IRAG1: variants seen among roughly 807,000 people sequenced by gnomAD.
IRAG1 encodes IP3R-associated cGMP kinase substrate.
In IRAG1, 62 loss-of-function variants were observed where a neutral mutation model predicts 106.2. The ratio of observed to expected loss-of-function variants is 0.58; its 90% CI spans 0.48 to 0.72. IRAG1 has a LOEUF of 0.72. Ranked by LOEUF, IRAG1 falls within the 30% of genes least tolerant of loss-of-function variation. The pLI is 0.00. For synonymous variants in IRAG1, 462 were observed against 443.9 expected (o/e 1.04, Z -0.51); for missense variants, 1,064 against 1,140.7 (o/e 0.93, Z 0.97).
intron 14 of IRAG1, among the ~76,000 whole-genome samples, chr11:10,602,847 T>G (rs1226290583): frequency 1.3e-5 from 2 of 152,146 alleles, no homozygotes; most frequent in Non-Finnish European, 2.9e-5. Flanking sequence ...AAAGCCTTGA[T>G]TAGGCCAATG....
chr11:10,643,325 G>A (rs1256860501), intron 2 of IRAG1, among the ~76,000 whole-genome samples: 2 of 152,178 alleles, frequency 1.3e-5, no homozygotes, highest in Non-Finnish European at 2.9e-5. Flanking sequence ...AGCATAGAGG[G>A]CCAGTTCCCT....
rs1854178516 is a variant in IRAG1, at chr11:10,603,189, G to A, written c.1806C>T (p.Asp602=). The A allele has an allele frequency of 1.9e-6, 3 of 1,612,650 alleles. No homozygotes were observed. The highest frequency in any genetic ancestry group is 1.7e-5 in the Admixed American group (1 of 59,910). The change falls in exon 14 of 21, where the codon GAC becomes GAT. Residue 602 remains aspartate (D), a synonymous_variant. Transcript: ENST00000423302. The stretch of plus-strand genomic sequence containing the variant: ...CAGCCAGGCGGTGCAGGACAGCGAT[G>A]TCCTCCAGCAACTTCTGGTAGGTTT... ...HRETYQKLLE[D]IAVLHRLAAR...
At chr11:10,639,964 C>T (rs1022129683) in intron 2 of IRAG1, among the ~76,000 whole-genome samples, 1 of 152,098 alleles carries the variant, frequency 6.6e-6, no homozygotes, top group African/African-American at 2.4e-5. Flanking sequence ...CCTATTGTGG[C>T]CAGGGTCTAT....
rs371801567 is a variant in IRAG1 at position 10,626,278 on chromosome 11, C to T, written c.1056G>A (p.Ala352=). 4.3e-5 allele frequency: 70 copies of T among 1,611,764 alleles called. No homozygotes were observed. In the African/African-American group the frequency reaches 4.9e-4, roughly 11 times the overall value. ...SPLPRSPTQD[A]AGVGPPASQG... is the part of the protein sequence containing the mutation. ...GGGAGGCTGGGGGACCCACTCCTGCCGCATCCTGGGTTGGACTTCTCGGCA... is the reference window on the plus strand; with the variant it reads ...GGGAGGCTGGGGGACCCACTCCTGCTGCATCCTGGGTTGGACTTCTCGGCA... The change falls in exon 9 of 21, where the codon GCG becomes GCA. Residue 352 remains alanine, a synonymous_variant. Coordinates refer to ENST00000423302, the MANE Select transcript of IRAG1 (RefSeq NM_130385.4).
intron 2 of IRAG1, among the ~76,000 whole-genome samples, chr11:10,639,016 G>A (rs368936769): frequency 6.6e-6 from 1 of 152,098 alleles, no homozygotes; most frequent in East Asian, 1.9e-4. Context: ...CCGCCTCCCG[G>A]TCAAGCAATT....
At position 10,574,073 on chromosome 11, in the gene IRAG1, TA is replaced by T. The variant is rs1267357862; in HGVS notation, c.*2258del. 1 of 152,548 alleles carries T rather than the reference TA, an allele frequency of 6.6e-6. No homozygotes were observed. The highest frequency in any genetic ancestry group is 1.5e-5 in the Non-Finnish European group (1 of 68,342). 9.4% of individuals were successfully genotyped at this position (152,548 alleles called of 1,614,324 possible). The stretch of plus-strand genomic sequence containing the variant: ...CTACTGTAAAGGATGCCCCCTTCAA[TA>T]AACATGCTATTTTAAAGTGGGGCAT... On this transcript the variant is annotated 3_prime_UTR_variant, in exon 21 of 21. Coordinates refer to ENST00000423302, the MANE Select transcript of IRAG1 (RefSeq NM_130385.4).
In IRAG1 at chr11:10,593,488, T is replaced by C. The variant is rs1183424053; in HGVS notation, c.2175+4A>G. On this transcript the variant is annotated splice_donor_region_variant and intron_variant, in intron 17 of 20. Coordinates refer to ENST00000423302, the MANE Select transcript of IRAG1 (RefSeq NM_130385.4). ...TGCTGGGAGGCAGACATCGTCATAC[T>C]TACCAAGGCTGGTAAGGAGGGAATG... 6.2e-7 allele frequency: 1 copy of C among 1,611,644 alleles called. No homozygotes were observed. Among genetic ancestry groups the C allele is most frequent in the Non-Finnish European group, 8.5e-7 (1 of 1,177,960 alleles).
At chr11:10,689,132 AAT>A (rs1431089983) in intron 1 of IRAG1, among the ~76,000 whole-genome samples, 1 of 152,230 alleles carries the variant, frequency 6.6e-6, no homozygotes, top group Non-Finnish European at 1.5e-5. Context: ...ACTTACCACA[AAT>A]AGAGTTATAA....
intron 10 of IRAG1, 27 bp downstream of exon 10, chr11:10,623,751 G>C: frequency 1.2e-6 from 2 of 1,608,522 alleles, no homozygotes; most frequent in Non-Finnish European, 1.7e-6. Flanking sequence ...CACTCGCTGA[G>C]ACAGCATCTG....
intron 8 of IRAG1, 50 bp from the exon 9 acceptor site, chr11:10,626,633 A>G: frequency 1.3e-6 from 2 of 1,534,336 alleles, no homozygotes; most frequent in Non-Finnish European, 1.8e-6. Flanking sequence ...GTTGAGGGGA[A>G]ACAGGTGAGG....
At chr11:10,639,165 C>T (rs1857339329) in intron 2 of IRAG1, among the ~76,000 whole-genome samples, 1 of 152,218 alleles carries the variant, frequency 6.6e-6, no homozygotes, top group Non-Finnish European at 1.5e-5. Flanking sequence ...AGTAATCTGC[C>T]TGCCTTGGCC....
intron 1 of IRAG1, among the ~76,000 whole-genome samples, chr11:10,658,743 G>A (rs934394995): frequency 6.7e-6 from 1 of 149,332 alleles, no homozygotes; most frequent in Non-Finnish European, 1.5e-5. Context: ...TCAGTCCCAG[G>A]TCCGTGCTGT....
At chr11:10,582,040 A>C (rs1851446307) in intron 18 of IRAG1, 54 bp from the exon 19 acceptor site, 6 of 1,559,068 alleles carry the variant, frequency 3.8e-6, no homozygotes, top group Non-Finnish European at 5.2e-6. Context: ...TGGAGGCCTA[A>C]AAACAAAACC....
Position 10,626,442 on chromosome 11 carries a change from A to G in IRAG1, c.892T>C (p.Tyr298His). ...EQKENFDPLQ[Y>H]PETTPKGLAP... ...AGGCCTTTGGGTGTGGTCTCGGGGT[A>G]CTGGAGGGGATCGAAGTTTTCCTTT... The change falls in exon 9 of 21, where the codon TAC (tyrosine) becomes CAC (histidine). Residue 298 changes from tyrosine to histidine, a missense_variant. Transcript: ENST00000423302. The G allele has an allele frequency of 6.2e-7, 1 of 1,613,664 alleles. No homozygotes were observed. Among genetic ancestry groups the G allele is most frequent in the South Asian group, 1.1e-5 (1 of 91,054 alleles).
At chr11:10,661,139 T>C (rs1174221341) in intron 1 of IRAG1, among the ~76,000 whole-genome samples, 1 of 151,912 alleles carries the variant, frequency 6.6e-6, no homozygotes, top group Non-Finnish European at 1.5e-5. Flanking sequence ...TCGAGGCTGA[T>C]CCCCTCTTTC....
chr11:10,595,703 T>A (rs1164688552), intron 15 of IRAG1: 1 of 152,240 alleles, frequency 6.6e-6, no homozygotes, highest in Non-Finnish European at 1.5e-5. Flanking sequence ...GCTCAATTTT[T>A]TTTAACTTTT....
intron 1 of IRAG1, among the ~76,000 whole-genome samples, chr11:10,662,394 A>G (rs1363479698): frequency 1.3e-5 from 2 of 152,190 alleles, no homozygotes; most frequent in Admixed American, 6.5e-5. Context: ...TCTCTGCCAC[A>G]CAGATGTGCA....
intron 2 of IRAG1, among the ~76,000 whole-genome samples, chr11:10,638,357 C>A (rs907919854): frequency 1.3e-5 from 2 of 152,108 alleles, no homozygotes; most frequent in African/African-American, 4.8e-5. Context: ...GCTCCCTGGC[C>A]CCAAATGCAT....
chr11:10,613,541 C>T (rs77541280), intron 10 of IRAG1, among the ~76,000 whole-genome samples: 7,336 of 152,176 alleles, frequency 0.048, 381 homozygotes, highest in African/African-American at 0.13. Context: ...AGACATAAAT[C>T]GAATAAATTT....
Sources: gnomAD v4.1 joint callset for allele counts (sites outside exome capture counted in the v4.1 genomes callset) on GRCh38, gnomAD v4.1.1 for gene constraint, MANE v1.5 for transcripts, NCBI Gene and HGNC (gene_info 2026-07-23, HGNC 2026-07-21) for gene names.